The following CNTN1 variants were observed in gnomAD, a reference collection of about 807,000 sequenced individuals.
CNTN1 encodes contactin 1, also known as contactin-1.
Under a neutral mutation model 126.4 loss-of-function variants are expected in CNTN1, and 38 were observed. The observed-to-expected ratio is 0.30, with a 90% confidence interval of 0.23 to 0.39. CNTN1 has a LOEUF of 0.39. Ranked by LOEUF, CNTN1 falls within the 10% of genes least tolerant of loss-of-function variation. The pLI, the probability that CNTN1 is intolerant of heterozygous loss-of-function variation, is 1.00. For missense variants in CNTN1, 1,009 were observed against 1,248.4 expected (o/e 0.81, Z 2.89); for synonymous variants, 413 against 422.6 (o/e 0.98, Z 0.28).
intron 1 of CNTN1, 124 bp downstream of exon 1, chr12:40,692,716 G>C (rs562240687): frequency 6.5e-6 from 1 of 153,902 alleles, no homozygotes; most frequent in East Asian, 1.9e-4. Context: ...GGTCCCTGCA[G>C]CTCTCGCCGT....
rs115478621 is a variant in CNTN1, at chr12:40,725,842, G to A, written c.-77+33250G>A. Among the ~76,000 whole-genome samples, 879 of 151,794 alleles carry A rather than the reference G, an allele frequency of 5.8e-3. 2 individuals are homozygous for A. The highest frequency in any genetic ancestry group is 0.02 in the African/African-American group (834 of 41,364). ...TTTTCTTTCCTGGTTAAATTTGGCT[G>A]GTACAATATTTCTTTGACACAAGGA... On this transcript the variant is annotated intron_variant, in intron 1 of 23. Transcript: ENST00000551295.
chr12:40,933,375 C>T, intron 7 of CNTN1, 86 bp from the exon 8 acceptor site: 1 of 955,748 alleles, frequency 1.0e-6, no homozygotes, highest in Non-Finnish European at 1.7e-6. Flanking sequence ...GTTGGAGCAG[C>T]TCTAATCCTG....
Position 41,040,223 on chromosome 12 carries a change from C to G in CNTN1, c.2980+11004C>G, listed in dbSNP as rs533307947. On this transcript the variant is annotated intron_variant, in intron 23 of 23. Coordinates refer to ENST00000551295, the MANE Select transcript of CNTN1 (RefSeq NM_001843.4). ...GTTCAGAAGTGTGTCAAAAGTCTTT[C>G]CTTAAACTAGTTAAATATCATTTCT... 2.0e-5 allele frequency among the ~76,000 whole-genome samples: 3 copies of G among 152,216 alleles called. No individual in the cohort carries two copies. In the East Asian group the frequency reaches 5.8e-4, roughly 29 times the overall value.
intron 1 of CNTN1, among the ~76,000 whole-genome samples, chr12:40,762,396 CA>C (rs5797681): frequency 0.96 from 145,539 of 152,234 alleles, 69,887 homozygotes; most frequent in East Asian, 1. Flanking sequence ...GGTCCATGGA[CA>C]AATAGAAGTC....
chr12:41,055,329 G>C (rs1474726400), intron 23 of CNTN1, among the ~76,000 whole-genome samples: 1 of 151,908 alleles, frequency 6.6e-6, no homozygotes, highest in Non-Finnish European at 1.5e-5. Context: ...TGCATTTCTT[G>C]GTAAATATTT....
chr12:41,020,564 G>T (rs1332935999), intron 20 of CNTN1, 124 bp downstream of exon 20: 7 of 668,876 alleles, frequency 1.0e-5, no homozygotes, highest in South Asian at 1.9e-5. Context: ...TATTCTCTGT[G>T]TCTAGTATTG....
intron 1 of CNTN1, among the ~76,000 whole-genome samples, chr12:40,799,511 A>C (rs1157634914): frequency 6.6e-6 from 1 of 151,960 alleles, no homozygotes; most frequent in African/African-American, 2.4e-5. Context: ...TTTTGGCAGA[A>C]CATAACCCTT....
At chr12:40,924,254 T>A (rs1350693036) in intron 5 of CNTN1, among the ~76,000 whole-genome samples, 1 of 152,156 alleles carries the variant, frequency 6.6e-6, no homozygotes, top group Non-Finnish European at 1.5e-5. Context: ...ATACCCTGAC[T>A]GAGATTCTCC....
chr12:41,005,590 A>C (rs1948470084), intron 17 of CNTN1, among the ~76,000 whole-genome samples: 1 of 151,956 alleles, frequency 6.6e-6, no homozygotes, highest in Admixed American at 6.5e-5. Flanking sequence ...AGATTCAGTC[A>C]CATATTTTTT....
chr12:40,895,711 T>C (rs115055345), intron 1 of CNTN1, among the ~76,000 whole-genome samples: 2,884 of 151,902 alleles, frequency 0.019, 90 homozygotes, highest in African/African-American at 0.067. Flanking sequence ...AAGAAAACCA[T>C]AGCACCAATG....
chr12:40,932,622 T>C (rs1945929027), intron 7 of CNTN1, among the ~76,000 whole-genome samples: 1 of 151,944 alleles, frequency 6.6e-6, no homozygotes, highest in South Asian at 2.1e-4. Flanking sequence ...CCTTGCACAC[T>C]CCTGGAGCTT....
intron 1 of CNTN1, among the ~76,000 whole-genome samples, chr12:40,813,685 T>C (rs1941166982): frequency 6.6e-6 from 1 of 152,242 alleles, no homozygotes. Context: ...AATAGAATCA[T>C]TTATATTCCT....
intron 1 of CNTN1, among the ~76,000 whole-genome samples, chr12:40,896,586 A>C (rs1238609169): frequency 6.6e-6 from 1 of 152,202 alleles, no homozygotes; most frequent in East Asian, 1.9e-4. Flanking sequence ...ATAGTTGGTT[A>C]TTGTGTTCTA....
At chr12:41,056,904 T>C (rs1363417527) in intron 23 of CNTN1, among the ~76,000 whole-genome samples, 1 of 95,058 alleles carries the variant, frequency 1.1e-5, no homozygotes, top group African/African-American at 4.8e-5. Flanking sequence ...ATTTAGATAT[T>C]TATAAATATT....
chr12:40,770,050 G>A (rs1939275099), intron 1 of CNTN1, among the ~76,000 whole-genome samples: 1 of 152,242 alleles, frequency 6.6e-6, no homozygotes, highest in South Asian at 2.1e-4. Context: ...GACAGGTAGT[G>A]AAACAAAAAC....
intron 1 of CNTN1, among the ~76,000 whole-genome samples, chr12:40,753,914 T>C (rs1263552040): frequency 1.3e-5 from 2 of 152,152 alleles, no homozygotes; most frequent in African/African-American, 4.8e-5. Context: ...AATATAAGGA[T>C]ATATTATAAT....
chr12:40,706,638 G>T (rs1255541237), intron 1 of CNTN1, among the ~76,000 whole-genome samples: 1 of 151,822 alleles, frequency 6.6e-6, no homozygotes, highest in Non-Finnish European at 1.5e-5. Flanking sequence ...TAAACAAAGA[G>T]AATATTTTAG....
At chr12:40,763,701 C>T (rs1938956213) in intron 1 of CNTN1, among the ~76,000 whole-genome samples, 1 of 152,086 alleles carries the variant, frequency 6.6e-6, no homozygotes, top group Admixed American at 6.5e-5. Flanking sequence ...ATGAGGAAAA[C>T]AAAGTGGGGC....
intron 23 of CNTN1, chr12:41,061,655 C>A: frequency 3.1e-6 from 1 of 325,206 alleles, no homozygotes; most frequent in South Asian, 2.5e-5. Context: ...AATTTTATGG[C>A]TCAATGCTTG....
Sources: gnomAD v4.1 joint callset for allele counts (sites outside exome capture counted in the v4.1 genomes callset) on GRCh38, gnomAD v4.1.1 for gene constraint, MANE v1.5 for transcripts, NCBI Gene and HGNC (gene_info 2026-07-23, HGNC 2026-07-21) for gene names.